FARSB: variants seen among roughly 807,000 people sequenced by gnomAD.
FARSB encodes the protein phenylalanine--tRNA ligase beta subunit.
FARSB carries 40 observed loss-of-function variants against 69.6 expected under a neutral mutation model. The observed-to-expected ratio is 0.57, with a 90% confidence interval of 0.45 to 0.75. The LOEUF is 0.75. FARSB is among the 30% of genes least tolerant of loss of function. The pLI is 0.00. For synonymous variants in FARSB, 235 were observed against 247.2 expected (o/e 0.95, Z 0.46); for missense variants, 632 against 722.9 (o/e 0.87, Z 1.44).
chr2:222,572,380 T>C (rs1392498943), intron 16 of FARSB, among the ~76,000 whole-genome samples: 3 of 152,152 alleles, frequency 2.0e-5, no homozygotes, highest in Admixed American at 6.5e-5. Flanking sequence ...AGGAAAAAAA[T>C]GAAACATAAA....
chr2:222,639,510 AG>A (rs902735937), intron 5 of FARSB, 69 bp downstream of exon 5: 1 of 605,030 alleles, frequency 1.7e-6, no homozygotes, highest in Non-Finnish European at 3.0e-6. Context: ...GAGAGGGATC[AG>A]GATGGAAAGG....
rs183354321 is a variant in FARSB, at chr2:222,628,724, T to C, written c.900+113A>G. 896 of 712,818 alleles carry C rather than the reference T, an allele frequency of 1.3e-3. 7 individuals are homozygous for C. The Admixed American group carries it at 0.017, about 14-fold the overall frequency. 44.2% of individuals were successfully genotyped at this position (712,818 alleles called of 1,614,324 possible). A position where few individuals can be genotyped will look rare whatever the true frequency, so the allele number is the denominator to read the frequency against. On this transcript the variant is annotated intron_variant, in intron 10 of 16. Coordinates refer to ENST00000281828, the MANE Select transcript of FARSB (RefSeq NM_005687.5). ...CATGTAATGCACATAGTGTAGCGCC[T>C]GGCACACGGGTGGGTAGGTAGGGGA...
At chr2:222,581,181 G>A (rs1373813164) in intron 16 of FARSB, among the ~76,000 whole-genome samples, 1 of 152,186 alleles carries the variant, frequency 6.6e-6, no homozygotes, top group African/African-American at 2.4e-5. Flanking sequence ...CCACAACTGA[G>A]ACTTCAGTAA....
At chr2:222,631,334 CT>C (rs1341612259) in intron 8 of FARSB, among the ~76,000 whole-genome samples, 2 of 152,080 alleles carry the variant, frequency 1.3e-5, no homozygotes, top group Non-Finnish European at 2.9e-5. Flanking sequence ...AACTCTCCCC[CT>C]AGGAGTTCTT....
At chr2:222,584,869 C>T (rs1690066465) in intron 16 of FARSB, among the ~76,000 whole-genome samples, 1 of 152,246 alleles carries the variant, frequency 6.6e-6, no homozygotes, top group Non-Finnish European at 1.5e-5. Context: ...GAGCCCACCT[C>T]AGCTCAACAA....
chr2:222,648,935 AAAAC>A, intron 1 of FARSB, 140 bp from the exon 2 acceptor site: 1 of 696,396 alleles, frequency 1.4e-6, no homozygotes, highest in South Asian at 1.6e-5. Flanking sequence ...TTATCATTTA[AAAAC>A]AAACAGGCCA....
chr2:222,613,928 C>G lies in FARSB; in HGVS notation c.1345G>C (p.Val449Leu), dbSNP rs769254897. 1 of 1,602,958 alleles carries G rather than the reference C, an allele frequency of 6.2e-7. No individual in the cohort carries two copies. Among genetic ancestry groups the G allele is most frequent in the Non-Finnish European group, 8.5e-7 (1 of 1,170,110 alleles). Residue 449 changes from valine to leucine, a missense_variant and splice_region_variant, in exon 15 of 17, where the codon GTG becomes CTG. Coordinates refer to ENST00000281828, the MANE Select transcript of FARSB (RefSeq NM_005687.5). ...CCAGGAAGAAGGGTAGTGCGTGCCA[C>G]CTACAGGAAAAGACATGAAATTGCA... ...ISNPKTAEFQ[V>L]ARTTLLPGLL...
At chr2:222,583,727 G>C (rs893823294) in intron 16 of FARSB, among the ~76,000 whole-genome samples, 2 of 152,152 alleles carry the variant, frequency 1.3e-5, no homozygotes, top group African/African-American at 4.8e-5. Context: ...CCCCATGGGA[G>C]GGTCTGGGTG....
intron 16 of FARSB, among the ~76,000 whole-genome samples, chr2:222,582,449 G>A (rs1419004371): frequency 1.3e-5 from 2 of 152,282 alleles, no homozygotes; most frequent in Non-Finnish European, 1.5e-5. Context: ...AACCTATAGA[G>A]GCAGGGAGGG....
rs997329099 is a variant in FARSB, at chr2:222,603,704, G to GATA, written c.1463-3624_1463-3622dup. The stretch of plus-strand genomic sequence containing the variant: ...ATATTATATATTATTATATATATTA[G>GATA]ATAATAATAATAAATATAATATTAA... On this transcript the variant is annotated intron_variant, in intron 15 of 16. Transcript: ENST00000281828. Among the ~76,000 whole-genome samples, 4 of 145,908 alleles carry GATA rather than the reference G, an allele frequency of 2.7e-5. No homozygotes were observed. In the South Asian group the frequency reaches 6.4e-4, roughly 23 times the overall value.
At chr2:222,594,388 A>G (rs1690358603) in intron 16 of FARSB, among the ~76,000 whole-genome samples, 2 of 152,196 alleles carry the variant, frequency 1.3e-5, no homozygotes, top group South Asian at 4.1e-4. Context: ...AATAACATTA[A>G]GAGTTACCCA....
chr2:222,575,501 G>C (rs1490805146), intron 16 of FARSB, among the ~76,000 whole-genome samples: 1 of 152,186 alleles, frequency 6.6e-6, no homozygotes, highest in African/African-American at 2.4e-5. Context: ...TTCAAGATGT[G>C]TAGTATTACA....
chr2:222,572,578 T>C (rs1689744159), intron 16 of FARSB, among the ~76,000 whole-genome samples: 1 of 152,208 alleles, frequency 6.6e-6, no homozygotes, highest in South Asian at 2.1e-4. Flanking sequence ...ACACCTCTGA[T>C]GACAGGCCAT....
intron 5 of FARSB, among the ~76,000 whole-genome samples, chr2:222,636,166 G>A (rs946437966): frequency 4.0e-5 from 6 of 151,882 alleles, no homozygotes; most frequent in Non-Finnish European, 8.8e-5. Flanking sequence ...CAGCACTTTG[G>A]GAGGCCGAGG....
At position 222,609,742 on chromosome 2, in the gene FARSB, G is replaced by A. The variant is rs556828095; in HGVS notation, c.1462+4069C>T. Reference sequence around the variant, plus strand: ...GCAGCCTGACGGCCTCATACAACACGGATGGTCAGTCAAAAAAGTCTACAT... The same window carrying A: ...GCAGCCTGACGGCCTCATACAACACAGATGGTCAGTCAAAAAAGTCTACAT... On this transcript the variant is annotated intron_variant, in intron 15 of 16. Coordinates refer to ENST00000281828, the MANE Select transcript of FARSB (RefSeq NM_005687.5). Among the ~76,000 whole-genome samples, 31 of 152,158 alleles carry A rather than the reference G, an allele frequency of 2.0e-4. No individual in the cohort carries two copies. The South Asian group carries it at 5.2e-3, about 25-fold the overall frequency.
chr2:222,602,443 T>C (rs1249736673), intron 15 of FARSB, among the ~76,000 whole-genome samples: 1 of 152,100 alleles, frequency 6.6e-6, no homozygotes, highest in Admixed American at 6.5e-5. Flanking sequence ...GATATTAAAA[T>C]TTATACATCT....
chr2:222,606,372 T>A (rs950789538), intron 15 of FARSB, among the ~76,000 whole-genome samples: 2 of 152,198 alleles, frequency 1.3e-5, no homozygotes, highest in African/African-American at 4.8e-5. Flanking sequence ...GAAAGTCCAC[T>A]GACTACACAC....
chr2:222,609,926 A>G (rs1690800476), intron 15 of FARSB, among the ~76,000 whole-genome samples: 1 of 152,214 alleles, frequency 6.6e-6, no homozygotes, highest in Non-Finnish European at 1.5e-5. Context: ...TGCCCACCCC[A>G]AATTGATACA....
Position 222,656,060 on chromosome 2 carries a change from C to A in FARSB, c.14G>T (p.Ser5Ile), listed in dbSNP as rs1692168556. The change falls in exon 1 of 17, where the codon AGC becomes ATC. Residue 5 changes from serine (S) to isoleucine (I), a missense_variant. Ser to Ile is a moderately radical substitution (Grantham distance 142). Transcript: ENST00000281828. MPTV[S>I]VKRDLLFQAL... Reference sequence around the variant, plus strand: ...TTGGAAGAGCAGATCACGCTTCACGCTGACAGTCGGCATGGTGTGTCGAAC... The same window carrying A: ...TTGGAAGAGCAGATCACGCTTCACGATGACAGTCGGCATGGTGTGTCGAAC... 6.3e-7 allele frequency: 1 copy of A among 1,596,572 alleles called. No homozygotes were observed. Among genetic ancestry groups the A allele is most frequent in the Non-Finnish European group, 8.5e-7 (1 of 1,173,166 alleles).
Sources: gnomAD v4.1 joint callset for allele counts (sites outside exome capture counted in the v4.1 genomes callset) on GRCh38, gnomAD v4.1.1 for gene constraint, MANE v1.5 for transcripts, NCBI Gene and HGNC (gene_info 2026-07-23, HGNC 2026-07-21) for gene names.